The following ATP2C1 variants were observed in gnomAD, a reference collection of about 807,000 sequenced individuals.
The protein encoded by ATP2C1 is ATPase secretory pathway Ca2+ transporting 1.
In ATP2C1, 31 loss-of-function variants were observed where a neutral mutation model predicts 120.5. The observed-to-expected ratio is 0.26, with a 90% CI of 0.19 to 0.35. ATP2C1 has a LOEUF of 0.35. ATP2C1 is among the 10% of genes least tolerant of loss of function. The probability of loss-of-function intolerance (pLI) is 1.00; values close to 1 mark genes in which losing one functional copy is unlikely to be tolerated. For synonymous variants in ATP2C1, 351 were observed against 358.7 expected, an observed-to-expected ratio of 0.98 and a Z score of 0.24; for missense variants, 731 against 1,107.5, an observed-to-expected ratio of 0.66 and a Z score of 4.83.
intron 4 of ATP2C1, among the ~76,000 whole-genome samples, chr3:130,932,871 T>G (rs2059508413): frequency 1.3e-5 from 2 of 152,188 alleles, no homozygotes; most frequent in South Asian, 2.1e-4. Flanking sequence ...CCTTTTCTGC[T>G]AATGAGCTTA....
intron 18 of ATP2C1, among the ~76,000 whole-genome samples, chr3:130,975,848 T>C (rs1222736379): frequency 6.6e-6 from 1 of 152,188 alleles, no homozygotes; most frequent in African/African-American, 2.4e-5. Context: ...AAAAATTGAG[T>C]CTGAAGCCTC....
At chr3:130,971,795 A>C (rs2061327975) in intron 17 of ATP2C1, among the ~76,000 whole-genome samples, 1 of 152,268 alleles carries the variant, frequency 6.6e-6, no homozygotes, top group Non-Finnish European at 1.5e-5. Context: ...AACACCAGAA[A>C]TCTGGGGATA....
intron 2 of ATP2C1, among the ~76,000 whole-genome samples, chr3:130,907,035 T>G (rs2058157380): frequency 6.6e-6 from 1 of 151,896 alleles, no homozygotes; most frequent in Non-Finnish European, 1.5e-5. Context: ...ATTTGGTTAT[T>G]TACTTTTTTG....
At chr3:130,916,519 G>C (rs921274415) in intron 2 of ATP2C1, among the ~76,000 whole-genome samples, 1 of 152,052 alleles carries the variant, frequency 6.6e-6, no homozygotes, top group Non-Finnish European at 1.5e-5. Flanking sequence ...GATTAAATTT[G>C]TGCTTAAATT....
At chr3:130,885,805 C>G (rs1576591845) in intron 1 of ATP2C1, among the ~76,000 whole-genome samples, 1 of 152,082 alleles carries the variant, frequency 6.6e-6, no homozygotes, top group East Asian at 1.9e-4. Flanking sequence ...ATAATATTCT[C>G]TGATTTTCTA....
chr3:130,967,789 G>A (rs1301320711), intron 16 of ATP2C1, among the ~76,000 whole-genome samples: 1 of 152,126 alleles, frequency 6.6e-6, no homozygotes, highest in Non-Finnish European at 1.5e-5. Flanking sequence ...GTATTTCTAT[G>A]TAAAGATAAT....
In ATP2C1 at chr3:130,853,617, G is replaced by A. The variant is rs573604491; in HGVS notation, c.108+2689G>A. The stretch of plus-strand genomic sequence containing the variant: ...GTCTCCTGTACATCCTTCAATACTT[G>A]GATTAAATGGGCTCAGTGAAAAGCT... On this transcript the variant is annotated intron_variant, in intron 1 of 26. Transcript: ENST00000504381. 4.4e-4 allele frequency among the ~76,000 whole-genome samples: 67 copies of A among 152,210 alleles called. 1 individual carries two copies. In the South Asian group the frequency reaches 0.014, roughly 32 times the overall value.
intron 11 of ATP2C1, among the ~76,000 whole-genome samples, chr3:130,957,096 T>G (rs1000012727): frequency 3.9e-5 from 6 of 152,194 alleles, no homozygotes; most frequent in Admixed American, 3.3e-4. Flanking sequence ...TATATCCTAC[T>G]GCTCAAGGTC....
At chr3:130,936,521 C>T (rs558052526) in intron 5 of ATP2C1, among the ~76,000 whole-genome samples, 2 of 152,082 alleles carry the variant, frequency 1.3e-5, no homozygotes, top group African/African-American at 4.8e-5. Context: ...TGTTAAAATA[C>T]TCCTCCCTAG....
chr3:130,975,242 A>G, intron 17 of ATP2C1, 90 bp from the exon 18 acceptor site: 1 of 1,293,084 alleles, frequency 7.7e-7, no homozygotes, highest in Non-Finnish European at 1.1e-6. Flanking sequence ...TCTGGGAATT[A>G]TGAGAAATGA....
At chr3:130,996,388 T>C in intron 23 of ATP2C1, 1 of 572,056 alleles carries the variant, frequency 1.7e-6, no homozygotes, top group African/African-American at 1.9e-5. Context: ...GGTATCTTTT[T>C]CCAAAAGTAG....
chr3:130,978,790 G>A (rs745485180), intron 18 of ATP2C1, among the ~76,000 whole-genome samples: 97 of 152,172 alleles, frequency 6.4e-4, no homozygotes, highest in Non-Finnish European at 1.6e-4. Context: ...TCTCTTCAGA[G>A]TGTTTAATTT....
chr3:130,874,969 C>T (rs186863708), intron 1 of ATP2C1, among the ~76,000 whole-genome samples: 226 of 152,202 alleles, frequency 1.5e-3, no homozygotes, highest in Middle Eastern at 0.01. Flanking sequence ...ATCTTGGAAA[C>T]GAATGGATTT....
intron 17 of ATP2C1, among the ~76,000 whole-genome samples, chr3:130,972,719 G>GT (rs1309684709): frequency 6.8e-6 from 1 of 147,006 alleles, no homozygotes; most frequent in African/African-American, 2.5e-5. Context: ...GCGGTGTTTG[G>GT]TTTTTTGTCC....
intron 8 of ATP2C1, among the ~76,000 whole-genome samples, chr3:130,953,148 C>G (rs1024360183): frequency 1.3e-5 from 2 of 151,708 alleles, no homozygotes; most frequent in Non-Finnish European, 2.9e-5. Flanking sequence ...TATCTATACT[C>G]ATAAAATTGT....
chr3:130,957,854 TTTCTGTTAATA>T (rs1220081393), intron 11 of ATP2C1, among the ~76,000 whole-genome samples: 1 of 152,202 alleles, frequency 6.6e-6, no homozygotes, highest in African/African-American at 2.4e-5. Flanking sequence ...TAAAGCAATA[TTTCTGTTAATA>T]CAATATTAGT....
At chr3:130,895,237 A>G (rs1576617214) in intron 2 of ATP2C1, among the ~76,000 whole-genome samples, 1 of 152,282 alleles carries the variant, frequency 6.6e-6, no homozygotes, top group East Asian at 1.9e-4. Context: ...AGCATTGGGG[A>G]AAAAACTCAT....
rs16835353 is a variant in ATP2C1 at position 130,928,752 on chromosome 3, A to G, written c.7-1664A>G. Among the ~76,000 whole-genome samples the G allele has an allele frequency of 7.8e-3, 1,185 of 152,270 alleles. 28 individuals carry two copies. Among genetic ancestry groups the G allele is most frequent in the East Asian group, 0.065 (336 of 5,184 alleles). ...TCCCCAGGTTATATATATGAAGAAG[A>G]TGAGGTTTGGGGATCTTAGAAATAA... On this transcript the variant is annotated intron_variant, in intron 2 of 27. Coordinates refer to ENST00000510168, the MANE Select transcript of ATP2C1 (RefSeq NM_001378687.1).
At chr3:130,918,199 C>T in intron 2 of ATP2C1, 2 of 1,235,844 alleles carry the variant, frequency 1.6e-6, no homozygotes, top group Admixed American at 1.7e-5. Context: ...GTGTGTGATG[C>T]TTGGTTCTGG....
Sources: gnomAD v4.1 joint callset for allele counts (sites outside exome capture counted in the v4.1 genomes callset) on GRCh38, gnomAD v4.1.1 for gene constraint, MANE v1.5 for transcripts, NCBI Gene and HGNC (gene_info 2026-07-23, HGNC 2026-07-21) for gene names.